FGF14: variants seen among roughly 807,000 people sequenced by gnomAD.
FGF14 encodes fibroblast growth factor homologous factor 4.
In FGF14, 5 loss-of-function variants were observed where a neutral mutation model predicts 25.5. The observed-to-expected ratio is 0.20, with a 90% CI of 0.10 to 0.41. The LOEUF (loss-of-function observed/expected upper bound fraction) is 0.41, where lower values mean the gene tolerates loss of function less well. Among genes scored for constraint, FGF14 ranks in the 10% least tolerant of loss-of-function variants. The pLI, the probability that FGF14 is intolerant of heterozygous loss-of-function variation, is 1.00. For synonymous variants in FGF14, 138 were observed against 118.3 expected (o/e 1.17, Z -1.08); for missense variants, 222 against 320.1 (o/e 0.69, Z 2.34).
At chr13:101,774,566 T>C (rs1375329959) in intron 3 of FGF14, among the ~76,000 whole-genome samples, 1 of 152,098 alleles carries the variant, frequency 6.6e-6, no homozygotes, top group African/African-American at 2.4e-5. Context: ...CCACAACCCC[T>C]ACACCACCCC....
At chr13:101,897,474 C>G (rs2030871761) in intron 1 of FGF14, among the ~76,000 whole-genome samples, 1 of 152,148 alleles carries the variant, frequency 6.6e-6, no homozygotes, top group Non-Finnish European at 1.5e-5. Context: ...CTACTCCAGT[C>G]TTTGCAGGGT....
At chr13:101,966,129 T>A (rs1323184) in intron 1 of FGF14, among the ~76,000 whole-genome samples, 11,445 of 152,242 alleles carry the variant, frequency 0.075, 454 homozygotes, top group Admixed American at 0.11. Flanking sequence ...AAACTCCATT[T>A]TCTCAGACTG....
At chr13:102,298,482 AATTG>A (rs1401132248) in intron 1 of FGF14, among the ~76,000 whole-genome samples, 1 of 152,184 alleles carries the variant, frequency 6.6e-6, no homozygotes, top group African/African-American at 2.4e-5. Flanking sequence ...TCCTGATCCC[AATTG>A]ACTAACGAAG....
At chr13:102,246,571 A>C (rs1330615974) in intron 1 of FGF14, among the ~76,000 whole-genome samples, 1 of 152,044 alleles carries the variant, frequency 6.6e-6, no homozygotes, top group Non-Finnish European at 1.5e-5. Context: ...AGGAAATTTT[A>C]TATCCAGGTT....
At chr13:102,292,278 CAAAAAAAAAAAAAAA>C (rs10593906) in intron 1 of FGF14, 3 of 66,792 alleles carry the variant, frequency 4.5e-5, no homozygotes, top group African/African-American at 1.8e-4. Context: ...TACTCTATAG[CAAAAAAAAAAAAAAA>C]AAAAAAAAAA....
At chr13:101,953,949 CTCTG>C (rs1233573491) in intron 1 of FGF14, among the ~76,000 whole-genome samples, 1 of 152,130 alleles carries the variant, frequency 6.6e-6, no homozygotes, top group Non-Finnish European at 1.5e-5. Context: ...ATCCATCACC[CTCTG>C]TCTATGTCTC....
intron 1 of FGF14, among the ~76,000 whole-genome samples, chr13:102,356,137 G>A (rs551293325): frequency 6.6e-6 from 1 of 152,294 alleles, no homozygotes; most frequent in South Asian, 2.1e-4. Flanking sequence ...AAAATAAAGA[G>A]ATGAACATTT....
At chr13:101,901,499 T>C (rs955044954) in intron 1 of FGF14, among the ~76,000 whole-genome samples, 1 of 151,048 alleles carries the variant, frequency 6.6e-6, no homozygotes, top group South Asian at 2.1e-4. Flanking sequence ...AGGTCAGGAG[T>C]TCAAGACCAG....
At chr13:102,182,360 G>A (rs957423220) in intron 1 of FGF14, among the ~76,000 whole-genome samples, 1 of 152,118 alleles carries the variant, frequency 6.6e-6, no homozygotes, top group African/African-American at 2.4e-5. Context: ...CCCTGCCGAC[G>A]CCTTGATTTT....
At chr13:101,946,137 C>T (rs143250335) in intron 1 of FGF14, among the ~76,000 whole-genome samples, 3 of 152,176 alleles carry the variant, frequency 2.0e-5, no homozygotes, top group African/African-American at 7.2e-5. Context: ...AGGGTTCTCA[C>T]TCGTGTTTAA....
intron 1 of FGF14, among the ~76,000 whole-genome samples, chr13:101,985,710 A>G (rs931830527): frequency 6.6e-6 from 1 of 152,132 alleles, no homozygotes; most frequent in Non-Finnish European, 1.5e-5. Context: ...ATCCTGTAAA[A>G]TGCTATGCAT....
At chr13:101,853,351 C>T (rs927337424) in intron 3 of FGF14, among the ~76,000 whole-genome samples, 1 of 152,100 alleles carries the variant, frequency 6.6e-6, no homozygotes, top group Non-Finnish European at 1.5e-5. Flanking sequence ...TGACACTAAC[C>T]TATTACCAAC....
intron 1 of FGF14, chr13:102,263,209 G>A (rs112368250): frequency 1.9e-5 from 10 of 530,620 alleles, no homozygotes; most frequent in South Asian, 4.8e-5. Context: ...AAGACATGGC[G>A]AGAAGCGCAG....
chr13:102,169,332 T>G (rs551820942), intron 1 of FGF14, among the ~76,000 whole-genome samples: 2 of 152,064 alleles, frequency 1.3e-5, no homozygotes, highest in Non-Finnish European at 2.9e-5. Context: ...TAACACCTGG[T>G]TATCCCCCGT....
intron 1 of FGF14, among the ~76,000 whole-genome samples, chr13:102,149,510 G>A (rs529588): frequency 0.026 from 3,992 of 152,250 alleles, 176 homozygotes; most frequent in African/African-American, 0.091. Flanking sequence ...GCCCATCTCC[G>A]ACCTGATATA....
At chr13:102,053,310 G>A (rs373634027) in intron 1 of FGF14, among the ~76,000 whole-genome samples, 2 of 152,170 alleles carry the variant, frequency 1.3e-5, no homozygotes, top group East Asian at 3.9e-4. Flanking sequence ...CTGCCTACAA[G>A]AGACTAACTT....
chr13:102,199,577 G>C (rs893741305), intron 1 of FGF14, among the ~76,000 whole-genome samples: 3 of 152,166 alleles, frequency 2.0e-5, no homozygotes, highest in African/African-American at 4.8e-5. Context: ...TCTTTCCAAA[G>C]GGTCCGTCTA....
intron 1 of FGF14, among the ~76,000 whole-genome samples, chr13:102,330,165 A>T (rs2056589981): frequency 6.6e-6 from 1 of 152,104 alleles, no homozygotes; most frequent in East Asian, 1.9e-4. Context: ...ATTTCAGCAG[A>T]GCCTCCCTGT....
At chr13:102,163,962 C>CGTT (rs1382721968) in intron 1 of FGF14, among the ~76,000 whole-genome samples, 2 of 152,102 alleles carry the variant, frequency 1.3e-5, no homozygotes, top group African/African-American at 4.8e-5. Flanking sequence ...ATCTGATTCC[C>CGTT]GTTGTAGATT....
Sources: gnomAD v4.1 joint callset for allele counts (sites outside exome capture counted in the v4.1 genomes callset) on GRCh38, gnomAD v4.1.1 for gene constraint, MANE v1.5 for transcripts, NCBI Gene and HGNC (gene_info 2026-07-23, HGNC 2026-07-21) for gene names.